The following LRP1B variants were observed in gnomAD, a reference collection of about 807,000 sequenced individuals.
LRP1B encodes the protein low-density lipoprotein receptor-related protein 1B.
In LRP1B, 217 loss-of-function variants were observed where a neutral mutation model predicts 556.6. The ratio of observed to expected loss-of-function variants is 0.39; its 90% CI spans 0.35 to 0.44. LRP1B has a LOEUF of 0.44. Ranked by LOEUF, LRP1B falls within the 20% of genes least tolerant of loss-of-function variation. The pLI is 1.00. For missense variants in LRP1B, 5,053 were observed against 5,620.8 expected (o/e 0.90, Z 3.23); for synonymous variants, 2,047 against 1,865.8 (o/e 1.10, Z -2.50).
At chr2:140,950,458 CT>C in intron 19 of LRP1B, 56 bp from the exon 20 acceptor site, 1 of 1,388,564 alleles carries the variant, frequency 7.2e-7, no homozygotes, top group African/African-American at 1.5e-5. Flanking sequence ...GAAATTTTTT[CT>C]TATGAAATAT....
At chr2:141,182,165 A>G (rs1463950017) in intron 7 of LRP1B, among the ~76,000 whole-genome samples, 1 of 152,008 alleles carries the variant, frequency 6.6e-6, no homozygotes, top group Non-Finnish European at 1.5e-5. Context: ...ACTCATCCAA[A>G]AAAAGATAGT....
At chr2:141,262,515 G>A (rs1684733285) in intron 3 of LRP1B, among the ~76,000 whole-genome samples, 3 of 152,116 alleles carry the variant, frequency 2.0e-5, no homozygotes, top group Admixed American at 1.3e-4. Flanking sequence ...ATCCATTACT[G>A]ACTCAATTTA....
chr2:140,881,266 G>T (rs1693465136), intron 25 of LRP1B, among the ~76,000 whole-genome samples: 1 of 151,620 alleles, frequency 6.6e-6, no homozygotes, highest in African/African-American at 2.4e-5. Context: ...GTGTGTGTGT[G>T]TGTGTGTGTG....
intron 6 of LRP1B, among the ~76,000 whole-genome samples, chr2:141,216,061 C>T (rs550284295): frequency 1.5e-4 from 23 of 152,212 alleles, no homozygotes; most frequent in Admixed American, 2.6e-4. Context: ...TTTGTGGTGG[C>T]CCCTTTCATC....
intron 82 of LRP1B, among the ~76,000 whole-genome samples, chr2:140,317,805 A>G (rs1684591742): frequency 6.6e-6 from 1 of 152,092 alleles, no homozygotes; most frequent in Non-Finnish European, 1.5e-5. Flanking sequence ...AAATCCTTAC[A>G]TGTTAGGGCA....
At chr2:141,817,215 T>G (rs1255441582) in intron 1 of LRP1B, among the ~76,000 whole-genome samples, 2 of 152,204 alleles carry the variant, frequency 1.3e-5, no homozygotes, top group Non-Finnish European at 2.9e-5. Flanking sequence ...TGTTTTCCTA[T>G]TATATGAAAC....
At chr2:140,935,061 G>A (rs571696363) in intron 20 of LRP1B, among the ~76,000 whole-genome samples, 1 of 152,108 alleles carries the variant, frequency 6.6e-6, no homozygotes, top group Non-Finnish European at 1.5e-5. Context: ...GATTTCCAGA[G>A]TTATCACATT....
chr2:141,590,829 C>T (rs1467130831), intron 2 of LRP1B, among the ~76,000 whole-genome samples: 1 of 152,186 alleles, frequency 6.6e-6, no homozygotes, highest in Non-Finnish European at 1.5e-5. Flanking sequence ...CATGTCCCAA[C>T]TCATCAGTCC....
chr2:140,752,015 G>T (rs1351876084), intron 35 of LRP1B, among the ~76,000 whole-genome samples: 1 of 151,982 alleles, frequency 6.6e-6, no homozygotes, highest in Non-Finnish European at 1.5e-5. Flanking sequence ...TGTCAGTTAA[G>T]AACACTTAGC....
intron 3 of LRP1B, among the ~76,000 whole-genome samples, chr2:141,356,280 G>A (rs1338284334): frequency 6.6e-6 from 1 of 152,160 alleles, no homozygotes; most frequent in Non-Finnish European, 1.5e-5. Context: ...CTCAGTGGCA[G>A]CAATGATAAT....
At chr2:140,355,621 CTT>C (rs1682174034) in intron 75 of LRP1B, among the ~76,000 whole-genome samples, 1 of 151,838 alleles carries the variant, frequency 6.6e-6, no homozygotes, top group South Asian at 2.1e-4. Context: ...CACTTAAAGA[CTT>C]GAATTTAGCC....
At chr2:141,085,606 C>A (rs1330107227) in intron 7 of LRP1B, among the ~76,000 whole-genome samples, 1 of 152,120 alleles carries the variant, frequency 6.6e-6, no homozygotes, top group Non-Finnish European at 1.5e-5. Context: ...TGATCTGAGA[C>A]CAGCAGCCTT....
chr2:140,457,075 C>G (rs1162950003), intron 61 of LRP1B, among the ~76,000 whole-genome samples: 2 of 152,072 alleles, frequency 1.3e-5, no homozygotes, highest in Non-Finnish European at 2.9e-5. Context: ...CTGAAGAAAA[C>G]TTGATAGAGT....
At chr2:141,774,970 A>G (rs1474278535) in intron 2 of LRP1B, among the ~76,000 whole-genome samples, 1 of 152,220 alleles carries the variant, frequency 6.6e-6, no homozygotes, top group Non-Finnish European at 1.5e-5. Flanking sequence ...TCTCTCAAAA[A>G]TAAACCTGAT....
At chr2:140,759,849 T>C (rs1363860566) in intron 35 of LRP1B, among the ~76,000 whole-genome samples, 1 of 152,202 alleles carries the variant, frequency 6.6e-6, no homozygotes, top group African/African-American at 2.4e-5. Flanking sequence ...TGCATACAAA[T>C]ACAAATGCAC....
chr2:140,953,213 C>G (rs911284352), intron 18 of LRP1B, among the ~76,000 whole-genome samples: 2 of 152,124 alleles, frequency 1.3e-5, no homozygotes, highest in African/African-American at 4.8e-5. Context: ...GCCTCAGCTT[C>G]CCAAGTAGCT....
intron 2 of LRP1B, among the ~76,000 whole-genome samples, chr2:141,643,901 G>C (rs1689442353): frequency 6.6e-6 from 1 of 152,006 alleles, no homozygotes. Flanking sequence ...CGACCTTATA[G>C]GGCTGCTGCA....
chr2:141,181,686 A>G lies in LRP1B; in HGVS notation c.1013+6735T>C, dbSNP rs115937729. Among the ~76,000 whole-genome samples, 906 of 152,070 alleles carry G rather than the reference A, an allele frequency of 6.0e-3. 9 individuals carry two copies. The highest frequency in any genetic ancestry group is 0.02 in the African/African-American group (844 of 41,558). ...ATTTGCCTTCCATTTCCACTAAAGT[A>G]TTCACTGCATATAAACCACTCCAAG... On this transcript the variant is annotated intron_variant, in intron 7 of 90. Transcript: ENST00000389484.
chr2:141,692,935 A>G (rs963196838), intron 2 of LRP1B, among the ~76,000 whole-genome samples: 1 of 152,040 alleles, frequency 6.6e-6, no homozygotes, highest in Non-Finnish European at 1.5e-5. Context: ...TATGCAGCAC[A>G]TGGCTGTACA....
Sources: gnomAD v4.1 joint callset for allele counts (sites outside exome capture counted in the v4.1 genomes callset) on GRCh38, gnomAD v4.1.1 for gene constraint, MANE v1.5 for transcripts, NCBI Gene and HGNC (gene_info 2026-07-23, HGNC 2026-07-21) for gene names.